Variants in THSD4 observed in about 807,000 individuals in gnomAD.
THSD4 encodes the protein thrombospondin type 1 domain containing 4.
THSD4 carries 69 observed loss-of-function variants against 119.0 expected under a neutral mutation model. The ratio of observed to expected loss-of-function variants is 0.58; its 90% CI spans 0.48 to 0.71. The LOEUF is 0.71. THSD4 is among the 30% of genes least tolerant of loss of function. THSD4 has a pLI of 0.00. For synonymous variants in THSD4, 524 were observed against 540.4 expected, an observed-to-expected ratio of 0.97 and a Z score of 0.42; for missense variants, 1,393 against 1,391.1, an observed-to-expected ratio of 1.00 and a Z score of -0.02.
At chr15:71,246,817 A>G (rs1364902757) in intron 5 of THSD4, among the ~76,000 whole-genome samples, 2 of 152,090 alleles carry the variant, frequency 1.3e-5, no homozygotes, top group Non-Finnish European at 2.9e-5. Context: ...CCAATCTCAA[A>G]CATCTGCTGG....
At chr15:71,199,053 A>G (rs1378536159) in intron 3 of THSD4, among the ~76,000 whole-genome samples, 1 of 152,312 alleles carries the variant, frequency 6.6e-6, no homozygotes, top group Non-Finnish European at 1.5e-5. Context: ...GCCTATGTCA[A>G]CAGCCACTAG....
intron 3 of THSD4, among the ~76,000 whole-genome samples, chr15:71,180,012 G>A (rs1339333018): frequency 1.9e-5 from 2 of 105,246 alleles, no homozygotes; most frequent in African/African-American, 7.5e-5. Context: ...GGAGGGGGGA[G>A]GGATAGCATT....
chr15:71,472,899 T>G (rs1252663418), intron 7 of THSD4, among the ~76,000 whole-genome samples: 1 of 152,194 alleles, frequency 6.6e-6, no homozygotes, highest in Non-Finnish European at 1.5e-5. Flanking sequence ...GTGAGTTGTT[T>G]TATGTAACTC....
chr15:71,597,804 C>T (rs1160859116), intron 7 of THSD4, among the ~76,000 whole-genome samples: 1 of 152,152 alleles, frequency 6.6e-6, no homozygotes, highest in Admixed American at 6.5e-5. Flanking sequence ...CGTCCCCAGG[C>T]GTGGCTTCCA....
intron 3 of THSD4, among the ~76,000 whole-genome samples, chr15:71,174,041 A>T (rs1017261514): frequency 1.3e-5 from 2 of 152,224 alleles, no homozygotes; most frequent in Admixed American, 1.3e-4. Context: ...GATTTCTTGG[A>T]TATGACACCA....
chr15:71,743,245 A>T (rs1345957248), intron 11 of THSD4, among the ~76,000 whole-genome samples: 2 of 152,146 alleles, frequency 1.3e-5, no homozygotes, highest in Non-Finnish European at 2.9e-5. Context: ...GACACAGAGC[A>T]TTCCTATGGG....
intron 3 of THSD4, among the ~76,000 whole-genome samples, chr15:71,160,760 G>A (rs1338548224): frequency 6.8e-6 from 1 of 147,366 alleles, no homozygotes; most frequent in African/African-American, 2.5e-5. Flanking sequence ...TGTTTATTTT[G>A]TTGATCTTAA....
At chr15:71,519,884 G>A in intron 7 of THSD4, among the ~76,000 whole-genome samples, 1 of 152,128 alleles carries the variant, frequency 6.6e-6, no homozygotes, top group Non-Finnish European at 1.5e-5. Context: ...TGATCCTCAG[G>A]GGCCAGCCAG....
Position 71,215,260 on chromosome 15 carries a change from C to A in THSD4, c.325C>A (p.Arg109Ser), listed in dbSNP as rs1219907086. 2 of 1,498,520 alleles carry A rather than the reference C, an allele frequency of 1.3e-6. No individual in the cohort carries two copies. Among genetic ancestry groups the A allele is most frequent in the South Asian group, 1.2e-5 (1 of 80,880 alleles). The allele number at this position is 1,498,520 out of a possible 1,614,324, so 92.8% of individuals were successfully genotyped here. A position where few individuals can be genotyped will look rare whatever the true frequency, so the allele number is the denominator to read the frequency against. Residue 109 changes from arginine (R) to serine (S), a missense_variant, in exon 4 of 18, where the codon CGC (arginine) becomes AGC (serine). Physicochemically the swap from Arg to Ser is moderately radical, Grantham distance 110 (BLOSUM62 -1). Coordinates refer to ENST00000261862, the MANE Select transcript of THSD4 (RefSeq NM_024817.3). ...CGCGGACCACGTGGTGTCGGCGGTG[C>A]GCACGTCGGTGCCACTGCACCGGAG... The part of the protein sequence containing the change: ...AFADHVVSAV[R>S]TSVPLHRSRD...
At chr15:71,539,597 T>C (rs2048731004) in intron 7 of THSD4, among the ~76,000 whole-genome samples, 1 of 152,246 alleles carries the variant, frequency 6.6e-6, no homozygotes, top group African/African-American at 2.4e-5. Flanking sequence ...TTTGATACTC[T>C]CGTTTGTACC....
intron 6 of THSD4, among the ~76,000 whole-genome samples, chr15:71,326,046 TC>T (rs1357084957): frequency 6.6e-6 from 1 of 152,186 alleles, no homozygotes; most frequent in Non-Finnish European, 1.5e-5. Flanking sequence ...ACTTAATAAT[TC>T]CATATAACTA....
chr15:71,779,206 G>A lies in THSD4; in HGVS notation c.*1832G>A, dbSNP rs529776873. The A allele has an allele frequency of 1.3e-5, 2 of 152,270 alleles. No individual in the cohort carries two copies. Among genetic ancestry groups the A allele is most frequent in the South Asian group, 2.1e-4 (1 of 4,822 alleles). 9.4% of individuals were successfully genotyped at this position (152,270 alleles called of 1,614,324 possible). On this transcript the variant is annotated 3_prime_UTR_variant, in exon 18 of 18. Transcript: ENST00000261862. ...GAGCCCCAGGCATCATTTCCCAAAA[G>A]CATCCCCATCTCCTGATTCTCTTGG...
chr15:71,374,538 G>A (rs980334952), intron 6 of THSD4, among the ~76,000 whole-genome samples: 1 of 152,196 alleles, frequency 6.6e-6, no homozygotes, highest in Non-Finnish European at 1.5e-5. Context: ...TCTAGGGGAA[G>A]GAGTGAAGTT....
rs543024026 is a variant in THSD4 at position 71,751,829 on chromosome 15, G to A, written c.2415+3235G>A. ...ATTACAGTTATAAGCCTCCATACAC[G>A]GGTGATGTTTTACTGTTTAAAACAG... On this transcript the variant is annotated intron_variant, in intron 14 of 17. Transcript: ENST00000261862. Among the ~76,000 whole-genome samples, 50 of 152,086 alleles carry A rather than the reference G, an allele frequency of 3.3e-4. No individual in the cohort carries two copies. In the South Asian group the frequency reaches 0.01, roughly 31 times the overall value.
chr15:71,168,678 G>A (rs1047808879), intron 3 of THSD4, among the ~76,000 whole-genome samples: 1 of 152,186 alleles, frequency 6.6e-6, no homozygotes, highest in Admixed American at 6.5e-5. Context: ...AGGACCTCGT[G>A]ATGGGTTACA....
At position 71,215,693 on chromosome 15, in the gene THSD4, G is replaced by A. The variant is rs549849502; in HGVS notation, c.464+294G>A. The stretch of plus-strand genomic sequence containing the variant: ...AGAATTTTAGGGAGGCCTCCTAGAG[G>A]GGTGAAAGCAGGAGGGGAGTGCTGT... On this transcript the variant is annotated intron_variant, in intron 4 of 17. Transcript: ENST00000261862. Among the ~76,000 whole-genome samples the A allele has an allele frequency of 6.6e-5, 10 of 152,314 alleles. No individual in the cohort carries two copies. The East Asian group carries it at 1.9e-3, about 29-fold the overall frequency.
rs1419307996 is a variant in THSD4, at chr15:71,486,634, T to TA, written c.1152+74811_1152+74812insA. Among the ~76,000 whole-genome samples the TA allele has an allele frequency of 1.6e-3, 205 of 124,898 alleles. 6 individuals carry two copies. The South Asian group carries it at 0.052, about 31-fold the overall frequency. 81.9% of individuals were successfully genotyped at this position (124,898 alleles called of 152,430 possible). A position where few individuals can be genotyped will look rare whatever the true frequency, so the allele number is the denominator to read the frequency against. On this transcript the variant is annotated intron_variant, in intron 7 of 17. Coordinates refer to ENST00000261862, the MANE Select transcript of THSD4 (RefSeq NM_024817.3). ...CTGTTTTTTTTTTTTTTTTTTTTTT[T>TA]TTATTTCCCACTCCTCTGTCCACCT...
chr15:71,451,370 C>G (rs1475375503), intron 7 of THSD4, among the ~76,000 whole-genome samples: 1 of 152,198 alleles, frequency 6.6e-6, no homozygotes, highest in Non-Finnish European at 1.5e-5. Context: ...AAGCTCCACT[C>G]CTGTGATCCC....
chr15:71,662,517 A>T (rs1281874543), intron 8 of THSD4, among the ~76,000 whole-genome samples: 1 of 152,128 alleles, frequency 6.6e-6, no homozygotes, highest in Admixed American at 6.5e-5. Flanking sequence ...TCTTCTGGGG[A>T]TTATTTGAAT....
Sources: gnomAD v4.1 joint callset for allele counts (sites outside exome capture counted in the v4.1 genomes callset) on GRCh38, gnomAD v4.1.1 for gene constraint, MANE v1.5 for transcripts, NCBI Gene and HGNC (gene_info 2026-07-23, HGNC 2026-07-21) for gene names.